Variants in CSMD3 observed in about 807,000 individuals in gnomAD.
CSMD3 encodes CUB and Sushi multiple domains 3, also known as CUB and sushi domain-containing protein 3.
A neutral mutation model predicts 435.2 loss-of-function variants in CSMD3; 177 were observed. The observed-to-expected ratio is 0.41, with a 90% CI of 0.36 to 0.46. The LOEUF (loss-of-function observed/expected upper bound fraction) is 0.46, where lower values mean the gene tolerates loss of function less well. Ranked by LOEUF, CSMD3 falls within the 20% of genes least tolerant of loss-of-function variation. The probability of loss-of-function intolerance (pLI) is 0.34; values close to 1 mark genes in which losing one functional copy is unlikely to be tolerated. For missense variants in CSMD3, 4,265 were observed against 4,504.6 expected, an observed-to-expected ratio of 0.95 and a Z score of 1.52; for synonymous variants, 1,656 against 1,520.5, an observed-to-expected ratio of 1.09 and a Z score of -2.07.
At chr8:113,357,679 T>TTGTAAATTTACAATTTATAATTG (rs2094241386) in intron 1 of CSMD3, among the ~76,000 whole-genome samples, 1 of 152,158 alleles carries the variant, frequency 6.6e-6, no homozygotes, top group African/African-American at 2.4e-5. Flanking sequence ...TAATTCCCAA[T>TTGTAAATTTACAATTTATAATTG]TAAAATTACA....
At chr8:112,735,545 G>T (rs2077168614) in intron 13 of CSMD3, among the ~76,000 whole-genome samples, 1 of 151,930 alleles carries the variant, frequency 6.6e-6, no homozygotes, top group Non-Finnish European at 1.5e-5. Context: ...TTCTAGACTG[G>T]AAATACACAA....
At chr8:113,214,277 G>T (rs1210907896) in intron 3 of CSMD3, among the ~76,000 whole-genome samples, 2 of 151,930 alleles carry the variant, frequency 1.3e-5, no homozygotes, top group Non-Finnish European at 2.9e-5. Context: ...AGGTGCATGT[G>T]AAGCTTTTAC....
At chr8:112,264,122 TA>T in intron 60 of CSMD3, among the ~76,000 whole-genome samples, 1 of 152,226 alleles carries the variant, frequency 6.6e-6, no homozygotes, top group South Asian at 2.1e-4. Flanking sequence ...CTGTAAGTGA[TA>T]AATTATTGGT....
At chr8:112,952,346 G>A (rs768888455) in intron 8 of CSMD3, among the ~76,000 whole-genome samples, 7 of 151,464 alleles carry the variant, frequency 4.6e-5, no homozygotes, top group South Asian at 2.1e-4. Context: ...ACTTTGGGCC[G>A]TGCCCATCAT....
intron 3 of CSMD3, among the ~76,000 whole-genome samples, chr8:113,261,978 T>G (rs2093431105): frequency 6.6e-6 from 1 of 152,090 alleles, no homozygotes. Context: ...CTTCACATTT[T>G]GAAGAATTTA....
intron 4 of CSMD3, among the ~76,000 whole-genome samples, chr8:113,128,787 C>T (rs965587347): frequency 4.7e-4 from 71 of 152,154 alleles, no homozygotes; most frequent in African/African-American, 1.5e-3. Flanking sequence ...TGTTTTCTTA[C>T]TTTCAAATTA....
At chr8:113,285,290 A>C (rs6469453) in intron 2 of CSMD3, among the ~76,000 whole-genome samples, 96,197 of 143,396 alleles carry the variant, frequency 0.67, 34,047 homozygotes, top group East Asian at 0.95. Context: ...GACAGAGTCT[A>C]GCTCTGTTGC....
intron 2 of CSMD3, among the ~76,000 whole-genome samples, chr8:113,305,742 A>G (rs1183273137): frequency 6.6e-6 from 1 of 152,214 alleles, no homozygotes; most frequent in Non-Finnish European, 1.5e-5. Flanking sequence ...TCTGTCCTTG[A>G]GATCTATGCA....
chr8:112,849,286 T>G (rs2080417065), intron 11 of CSMD3, among the ~76,000 whole-genome samples: 1 of 152,042 alleles, frequency 6.6e-6, no homozygotes, highest in Non-Finnish European at 1.5e-5. Flanking sequence ...GTCATCAAAA[T>G]TATCCTCATA....
At chr8:112,314,186 G>A in intron 48 of CSMD3, 134 bp from the exon 49 acceptor site, 3 of 758,102 alleles carry the variant, frequency 4.0e-6, no homozygotes, top group Non-Finnish European at 4.3e-6. Context: ...AACAATAATT[G>A]AAAACATAAA....
intron 3 of CSMD3, among the ~76,000 whole-genome samples, chr8:113,253,709 G>A (rs1279900164): frequency 6.6e-6 from 1 of 151,900 alleles, no homozygotes; most frequent in Non-Finnish European, 1.5e-5. Context: ...GCATGGTGAT[G>A]TGTGCTGTAA....
chr8:112,810,178 A>T (rs930494174), intron 12 of CSMD3, among the ~76,000 whole-genome samples: 5 of 152,184 alleles, frequency 3.3e-5, no homozygotes, highest in African/African-American at 1.2e-4. Flanking sequence ...AAGAATAGGT[A>T]TGATCTGCTT....
At chr8:112,689,749 A>G in intron 14 of CSMD3, 119 bp downstream of exon 14, 1 of 770,686 alleles carries the variant, frequency 1.3e-6, no homozygotes, top group South Asian at 1.7e-5. Context: ...AGCATCACAA[A>G]GTGCTACTCA....
intron 1 of CSMD3, among the ~76,000 whole-genome samples, chr8:113,412,262 CTA>C (rs1274342082): frequency 6.6e-6 from 1 of 152,104 alleles, no homozygotes; most frequent in Non-Finnish European, 1.5e-5. Flanking sequence ...TAAGACATTA[CTA>C]TCTTTTGGCA....
intron 32 of CSMD3, among the ~76,000 whole-genome samples, chr8:112,467,204 T>G (rs1268794549): frequency 6.6e-6 from 1 of 152,144 alleles, no homozygotes; most frequent in East Asian, 1.9e-4. Flanking sequence ...ACTGTGCCAA[T>G]AATAAAAGAT....
At chr8:113,388,841 T>C (rs1379561213) in intron 1 of CSMD3, among the ~76,000 whole-genome samples, 1 of 151,608 alleles carries the variant, frequency 6.6e-6, no homozygotes, top group Non-Finnish European at 1.5e-5. Context: ...AGATATTAGC[T>C]ACTGAGTCAA....
At chr8:112,771,496 G>A (rs1319064018) in intron 13 of CSMD3, among the ~76,000 whole-genome samples, 1 of 151,850 alleles carries the variant, frequency 6.6e-6, no homozygotes, top group African/African-American at 2.4e-5. Flanking sequence ...CCAAGATCGT[G>A]CCAACGCACT....
rs73344106 is a variant in CSMD3, at chr8:113,406,751, T to C, written c.178+29926A>G. ...TGTCCTAATTTAAACAACAAATTTA[T>C]TAATTATGATTATTTGAAACAATTG... On this transcript the variant is annotated intron_variant, in intron 1 of 70. Coordinates refer to ENST00000297405, the MANE Select transcript of CSMD3 (RefSeq NM_198123.2). Among the ~76,000 whole-genome samples, 479 of 152,188 alleles carry C rather than the reference T, an allele frequency of 3.1e-3. 2 individuals carry two copies. Among genetic ancestry groups the C allele is most frequent in the African/African-American group, 0.011 (457 of 41,572 alleles).
intron 3 of CSMD3, among the ~76,000 whole-genome samples, chr8:113,205,734 C>T (rs1211377783): frequency 1.3e-5 from 2 of 152,132 alleles, no homozygotes; most frequent in African/African-American, 2.4e-5. Flanking sequence ...TCTATAACCT[C>T]CCTCCTGTAA....
Sources: allele counts gnomAD v4.1 joint callset (sites outside exome capture counted in the v4.1 genomes callset), GRCh38; gene constraint gnomAD v4.1.1; transcripts MANE v1.5; gene names NCBI Gene and HGNC (gene_info 2026-07-23, HGNC 2026-07-21).